The following SYNPR variants were observed in gnomAD, a reference collection of about 807,000 sequenced individuals.
SYNPR encodes the protein synaptoporin.
Under a neutral mutation model 32.9 loss-of-function variants are expected in SYNPR, and 23 were observed. The observed-to-expected ratio is 0.70, with a 90% confidence interval of 0.50 to 0.99. The LOEUF (loss-of-function observed/expected upper bound fraction) is 0.99, where lower values mean the gene tolerates loss of function less well. Ranked by LOEUF, SYNPR falls within the 50% of genes least tolerant of loss-of-function variation. The pLI is 0.00. For synonymous variants in SYNPR, 146 were observed against 135.9 expected, an observed-to-expected ratio of 1.07 and a Z score of -0.52; for missense variants, 318 against 349.3, an observed-to-expected ratio of 0.91 and a Z score of 0.71.
intron 2 of SYNPR, among the ~76,000 whole-genome samples, chr3:63,478,458 G>A (rs999436188): frequency 3.3e-5 from 5 of 151,958 alleles, no homozygotes; most frequent in Admixed American, 1.3e-4. Flanking sequence ...TAAGCTTCAC[G>A]CACACATGCC....
intron 1 of SYNPR, among the ~76,000 whole-genome samples, chr3:63,238,024 G>A (rs1408151168): frequency 6.6e-6 from 1 of 152,088 alleles, no homozygotes; most frequent in African/African-American, 2.4e-5. Context: ...TCTTGGTCTA[G>A]GGGAAAAATC....
intron 4 of SYNPR, among the ~76,000 whole-genome samples, chr3:63,587,770 T>C (rs916911437): frequency 1.3e-5 from 2 of 152,082 alleles, no homozygotes; most frequent in African/African-American, 2.4e-5. Flanking sequence ...CTTGAGGTAA[T>C]TGTTGGATTA....
chr3:63,270,967 T>G (rs1200856287), intron 3 of SYNPR, among the ~76,000 whole-genome samples: 5 of 25,584 alleles, frequency 2.0e-4, no homozygotes, highest in African/African-American at 4.4e-4. Flanking sequence ...CCTTCCTTCC[T>G]TCTTTTCTTC....
chr3:63,559,719 A>G (rs1382682748), intron 4 of SYNPR, among the ~76,000 whole-genome samples: 4 of 142,714 alleles, frequency 2.8e-5, no homozygotes, highest in African/African-American at 1.1e-4. Flanking sequence ...TTTTTTTTCT[A>G]TCTCAAATTT....
chr3:63,271,741 TA>T (rs963015248), intron 3 of SYNPR, among the ~76,000 whole-genome samples: 2 of 151,906 alleles, frequency 1.3e-5, no homozygotes, highest in African/African-American at 4.8e-5. Context: ...ATCAGGGAAA[TA>T]AAAAAATATG....
chr3:63,497,291 G>A (rs188684220), intron 3 of SYNPR, among the ~76,000 whole-genome samples: 67 of 152,162 alleles, frequency 4.4e-4, no homozygotes, highest in African/African-American at 1.5e-3. Flanking sequence ...TGTTGGCATT[G>A]AGAAGAGTTT....
At chr3:63,317,442 T>C (rs1207556234) in intron 2 of SYNPR, among the ~76,000 whole-genome samples, 2 of 152,000 alleles carry the variant, frequency 1.3e-5, no homozygotes, top group Admixed American at 6.6e-5. Context: ...ATGTTTAAGA[T>C]TGTGATATTT....
chr3:63,414,796 A>T (rs901519684), intron 2 of SYNPR, among the ~76,000 whole-genome samples: 3 of 152,334 alleles, frequency 2.0e-5, no homozygotes, highest in South Asian at 2.1e-4. Flanking sequence ...TCATTTGCAC[A>T]TATAATGAAG....
chr3:63,482,278 G>T (rs1278293754), intron 3 of SYNPR, among the ~76,000 whole-genome samples: 2 of 152,138 alleles, frequency 1.3e-5, no homozygotes, highest in Non-Finnish European at 2.9e-5. Flanking sequence ...AGATCAAAAT[G>T]TATTGCCATC....
In SYNPR at chr3:63,412,652, A is replaced by G. The variant is rs17068535; in HGVS notation, c.85-68180A>G. On this transcript the variant is annotated intron_variant, in intron 2 of 5. Transcript: ENST00000478300. ...TTCTAGGAAGGGAAGACAGTAATGC[A>G]AAGACTTAGTGTCATGGAAGCAGGC... is the stretch of plus-strand genomic sequence containing the variant. Among the ~76,000 whole-genome samples, 845 of 152,296 alleles carry G rather than the reference A, an allele frequency of 5.5e-3. 7 individuals are homozygous for G. The highest frequency in any genetic ancestry group is 0.019 in the African/African-American group (788 of 41,570).
intron 3 of SYNPR, among the ~76,000 whole-genome samples, chr3:63,555,397 T>C (rs903266713): frequency 1.3e-5 from 2 of 152,028 alleles, no homozygotes; most frequent in South Asian, 2.1e-4. Context: ...GCCTCAGTCA[T>C]ATCTTTTTGC....
intron 2 of SYNPR, among the ~76,000 whole-genome samples, chr3:63,312,034 A>G (rs1165664523): frequency 6.6e-6 from 1 of 151,998 alleles, no homozygotes; most frequent in Admixed American, 6.6e-5. Flanking sequence ...GAACCTAGAA[A>G]TCTGTGATGA....
intron 2 of SYNPR, among the ~76,000 whole-genome samples, chr3:63,294,989 G>A (rs1441088692): frequency 6.6e-6 from 1 of 152,148 alleles, no homozygotes; most frequent in East Asian, 1.9e-4. Flanking sequence ...AGAATAGATA[G>A]AGTGTTATTG....
chr3:63,603,519 T>A (rs181883062), intron 4 of SYNPR, among the ~76,000 whole-genome samples: 13 of 152,330 alleles, frequency 8.5e-5, no homozygotes, highest in Admixed American at 3.3e-4. Context: ...GTATGTTTCT[T>A]CAATGCCTAG....
Position 63,556,589 on chromosome 3 carries a change from C to A in SYNPR, c.256C>A (p.Arg86=). ...FEVPTCEGKE[R]QKLALIGDSS... is the part of the protein sequence containing the mutation. ...GGTGCCCACCTGCGAGGGAAAGGAA[C>A]GGCAGAAGCTGGCATTGATTGGTGA... Residue 86 remains arginine, a synonymous_variant, in exon 4 of 6, where the codon CGG becomes AGG. Transcript: ENST00000478300. The A allele has an allele frequency of 6.2e-7, 1 of 1,613,614 alleles. No individual in the cohort carries two copies. Among genetic ancestry groups the A allele is most frequent in the Non-Finnish European group, 8.5e-7 (1 of 1,179,700 alleles).
chr3:63,584,139 G>T (rs997252518), intron 4 of SYNPR, among the ~76,000 whole-genome samples: 1 of 152,104 alleles, frequency 6.6e-6, no homozygotes, highest in Non-Finnish European at 1.5e-5. Context: ...TTAGTTTCTG[G>T]TGTCCTTTAC....
At chr3:63,443,577 GT>G (rs1700220293) in intron 2 of SYNPR, 1 of 1,257,920 alleles carries the variant, frequency 7.9e-7, no homozygotes, top group Non-Finnish European at 1.1e-6. Context: ...CCAAGTATCA[GT>G]TTTTAAGTCT....
At chr3:63,411,359 C>T (rs1354062194) in intron 2 of SYNPR, among the ~76,000 whole-genome samples, 1 of 152,092 alleles carries the variant, frequency 6.6e-6, no homozygotes, top group African/African-American at 2.4e-5. Context: ...TGAATACTTA[C>T]AGAGCACATA....
intron 2 of SYNPR, among the ~76,000 whole-genome samples, chr3:63,439,456 ACTGT>A (rs1466441307): frequency 2.0e-5 from 3 of 152,192 alleles, no homozygotes; most frequent in African/African-American, 7.2e-5. Context: ...GTGGTAGCCG[ACTGT>A]CTGAGCTATC....
Sources: allele counts gnomAD v4.1 joint callset (sites outside exome capture counted in the v4.1 genomes callset), GRCh38; gene constraint gnomAD v4.1.1; transcripts MANE v1.5; gene names NCBI Gene and HGNC (gene_info 2026-07-23, HGNC 2026-07-21).